BBS9: variants seen among roughly 807,000 people sequenced by gnomAD.
BBS9 encodes the protein Bardet-Biedl syndrome 9.
A neutral mutation model predicts 117.7 loss-of-function variants in BBS9; 89 were observed. That is an observed-to-expected ratio of 0.76 (90% confidence interval 0.64 to 0.90). BBS9 has a LOEUF of 0.90. Ranked by LOEUF, BBS9 falls within the 40% of genes least tolerant of loss-of-function variation. The probability of loss-of-function intolerance (pLI) is 0.00; values close to 1 mark genes in which losing one functional copy is unlikely to be tolerated. For synonymous variants in BBS9, 379 were observed against 370.9 expected, an observed-to-expected ratio of 1.02 and a Z score of -0.25; for missense variants, 982 against 1,042.2, an observed-to-expected ratio of 0.94 and a Z score of 0.80.
chr7:33,492,064 G>T (rs373958793), intron 19 of BBS9, among the ~76,000 whole-genome samples: 2 of 151,824 alleles, frequency 1.3e-5, no homozygotes, highest in South Asian at 2.1e-4. Context: ...TTAGCTGGGC[G>T]TGGTGGCGAA....
chr7:33,304,049 T>G (rs1326898589), intron 9 of BBS9, among the ~76,000 whole-genome samples: 1 of 132,288 alleles, frequency 7.6e-6, no homozygotes, highest in Admixed American at 7.8e-5. Flanking sequence ...CGCCACCCCA[T>G]CTAGGAAGTG....
chr7:33,397,197 T>A (rs1418476143), intron 19 of BBS9, among the ~76,000 whole-genome samples: 3 of 152,056 alleles, frequency 2.0e-5, no homozygotes, highest in African/African-American at 7.2e-5. Flanking sequence ...GACATACACG[T>A]GGCCAGAAAA....
chr7:33,446,000 C>T lies in BBS9; in HGVS notation c.2115+57856C>T, dbSNP rs149917247. ...TAGTATCATTAGAGCAGTGTGAAAA[C>T]GGACTAATACAGATATTAATAGATT... On this transcript the variant is annotated intron_variant, in intron 19 of 22. Transcript: ENST00000242067. Among the ~76,000 whole-genome samples, 1,124 of 152,128 alleles carry T rather than the reference C, an allele frequency of 7.4e-3. 12 individuals carry two copies. The highest frequency in any genetic ancestry group is 0.025 in the African/African-American group (1,027 of 41,494).
intron 19 of BBS9, among the ~76,000 whole-genome samples, chr7:33,428,381 C>T (rs1363664789): frequency 6.6e-6 from 1 of 151,974 alleles, no homozygotes; most frequent in African/African-American, 2.4e-5. Context: ...GTAGACCCAC[C>T]CTTATTGACA....
chr7:33,601,922 AG>A (rs566669671), intron 21 of BBS9, among the ~76,000 whole-genome samples: 123 of 152,288 alleles, frequency 8.1e-4, no homozygotes, highest in African/African-American at 2.8e-3. Context: ...CCAGCTATGG[AG>A]CCCCTAGTGC....
intron 20 of BBS9, among the ~76,000 whole-genome samples, chr7:33,532,143 C>A (rs1036577498): frequency 5.3e-5 from 8 of 152,234 alleles, no homozygotes; most frequent in African/African-American, 1.9e-4. Flanking sequence ...CACCCATCAA[C>A]CCTTGGATGG....
At chr7:33,193,631 A>G (rs1191460006) in intron 5 of BBS9, among the ~76,000 whole-genome samples, 1 of 152,036 alleles carries the variant, frequency 6.6e-6, no homozygotes, top group South Asian at 2.1e-4. Flanking sequence ...GTTGGATATC[A>G]TGCAGTGTGT....
At chr7:33,202,538 G>A (rs1395526945) in intron 5 of BBS9, among the ~76,000 whole-genome samples, 1 of 152,178 alleles carries the variant, frequency 6.6e-6, no homozygotes, top group Non-Finnish European at 1.5e-5. Context: ...GTTCTGCAGG[G>A]TACAGGAAGC....
At chr7:33,151,453 G>A (rs1258329069) in intron 2 of BBS9, among the ~76,000 whole-genome samples, 2 of 152,108 alleles carry the variant, frequency 1.3e-5, no homozygotes, top group Non-Finnish European at 2.9e-5. Flanking sequence ...AACTGAACAA[G>A]CCTTTAGTGG....
chr7:33,580,469 G>A (rs537772184), intron 21 of BBS9, among the ~76,000 whole-genome samples: 28 of 151,994 alleles, frequency 1.8e-4, no homozygotes, highest in African/African-American at 6.0e-4. Flanking sequence ...GTAGGTAACA[G>A]TCAAGAAATA....
chr7:33,541,700 A>G (rs1416248695), intron 21 of BBS9, among the ~76,000 whole-genome samples: 1 of 152,232 alleles, frequency 6.6e-6, no homozygotes, highest in Non-Finnish European at 1.5e-5. Context: ...CCAGTCAGAA[A>G]GACCTCATAT....
At chr7:33,270,637 G>A (rs1799636338) in intron 7 of BBS9, among the ~76,000 whole-genome samples, 1 of 152,140 alleles carries the variant, frequency 6.6e-6, no homozygotes, top group Non-Finnish European at 1.5e-5. Context: ...CTGGCTTTCT[G>A]AAATAAGACA....
rs140169161 is a variant in BBS9 at position 33,264,293 on chromosome 7, C to T, written c.621C>T (p.Tyr207=). The T allele has an allele frequency of 2.7e-4, 405 of 1,527,642 alleles. 1 individual carries two copies. The highest frequency in any genetic ancestry group is 3.5e-4 in the Admixed American group (19 of 54,290). The allele number at this position is 1,527,642 out of a possible 1,614,324, so 94.6% of individuals were successfully genotyped here. The change falls in exon 7 of 23, where the codon TAC becomes TAT. Residue 207 remains tyrosine (Y), a synonymous_variant. Coordinates refer to ENST00000242067, the MANE Select transcript of BBS9 (RefSeq NM_198428.3). ...TTTTTAAATTTCTTTCATACAGGTA[C>T]CAGGTACTTGCTTTTGCAACAGATG... ...SSCQQVESYK[Y]QVLAFATDAD... is the part of the protein sequence containing the mutation.
intron 18 of BBS9, among the ~76,000 whole-genome samples, chr7:33,385,646 ATC>A (rs1825867173): frequency 6.6e-6 from 1 of 152,218 alleles, no homozygotes; most frequent in Non-Finnish European, 1.5e-5. Context: ...TTTTTAGTGT[ATC>A]AAGAATTTAG....
intron 9 of BBS9, among the ~76,000 whole-genome samples, chr7:33,332,115 A>G (rs566517256): frequency 4.6e-5 from 7 of 152,286 alleles, no homozygotes; most frequent in African/African-American, 1.4e-4. Context: ...ACATAGACCA[A>G]TGGAACAGGA....
chr7:33,290,132 T>TA (rs1468024274), intron 9 of BBS9, among the ~76,000 whole-genome samples: 3 of 152,170 alleles, frequency 2.0e-5, no homozygotes, highest in Non-Finnish European at 4.4e-5. Context: ...CGCAATAACT[T>TA]AAAGCATTTA....
chr7:33,250,208 G>T (rs1298897334), intron 5 of BBS9, among the ~76,000 whole-genome samples: 1 of 152,126 alleles, frequency 6.6e-6, no homozygotes, highest in Non-Finnish European at 1.5e-5. Context: ...GCAGGTTTCA[G>T]TCTTCTCGTG....
intron 5 of BBS9, among the ~76,000 whole-genome samples, chr7:33,246,851 C>G (rs547916101): frequency 1.1e-4 from 17 of 151,988 alleles, no homozygotes; most frequent in African/African-American, 4.1e-4. Context: ...AGCTCATTCC[C>G]CATTCCCAGA....
intron 4 of BBS9, among the ~76,000 whole-genome samples, chr7:33,160,392 C>T (rs1794669482): frequency 6.6e-6 from 1 of 152,132 alleles, no homozygotes; most frequent in Admixed American, 6.5e-5. Context: ...TGCATTGGGC[C>T]TTCGTCTTTT....
Sources: gnomAD v4.1 joint callset for allele counts (sites outside exome capture counted in the v4.1 genomes callset) on GRCh38, gnomAD v4.1.1 for gene constraint, MANE v1.5 for transcripts, NCBI Gene and HGNC (gene_info 2026-07-23, HGNC 2026-07-21) for gene names.